AK4: variants seen among roughly 807,000 people sequenced by gnomAD.
The protein encoded by AK4 is adenylate kinase 4, mitochondrial.
In AK4, 13 loss-of-function variants were observed where a neutral mutation model predicts 24.6. That is an observed-to-expected ratio of 0.53 (90% CI 0.34 to 0.84). The LOEUF is 0.84. Among genes scored for constraint, AK4 ranks in the 40% least tolerant of loss-of-function variants. The probability of loss-of-function intolerance (pLI) is 0.01; values close to 1 mark genes in which losing one functional copy is unlikely to be tolerated. For synonymous variants in AK4, 88 were observed against 107.0 expected, an observed-to-expected ratio of 0.82 and a Z score of 1.10; for missense variants, 192 against 288.2, an observed-to-expected ratio of 0.67 and a Z score of 2.42.
rs575175996 is a variant in AK4, at chr1:65,172,809, T to C, written c.146-17901T>C. 2.7e-5 allele frequency among the ~76,000 whole-genome samples: 4 copies of C among 149,522 alleles called. No homozygotes were observed. In the South Asian group the frequency reaches 6.2e-4, roughly 23 times the overall value. ...AGATGAAATGCGATGCTTTCTTCTCTTCTTCTTCGCTATTTCTACTTCTGG... is the reference window on the plus strand; with the variant it reads ...AGATGAAATGCGATGCTTTCTTCTCCTCTTCTTCGCTATTTCTACTTCTGG... On this transcript the variant is annotated intron_variant, in intron 1 of 4. Coordinates refer to ENST00000327299, the MANE Select transcript of AK4 (RefSeq NM_013410.4).
intron 4 of AK4, among the ~76,000 whole-genome samples, chr1:65,225,782 G>A (rs553002701): frequency 2.0e-5 from 3 of 151,984 alleles, no homozygotes; most frequent in Non-Finnish European, 4.4e-5. Flanking sequence ...TATATATTGG[G>A]GCACATTTGG....
At chr1:65,223,762 A>G (rs555098665) in intron 3 of AK4, among the ~76,000 whole-genome samples, 2 of 152,226 alleles carry the variant, frequency 1.3e-5, no homozygotes, top group Admixed American at 6.5e-5. Context: ...TGGGAGGCCA[A>G]GGCAGGTGGA....
At chr1:65,175,595 C>T (rs996643580) in intron 1 of AK4, among the ~76,000 whole-genome samples, 2 of 152,174 alleles carry the variant, frequency 1.3e-5, no homozygotes, top group Middle Eastern at 3.2e-3. Flanking sequence ...CCTCTGAATG[C>T]GTCTAGTACT....
chr1:65,148,794 G>T (rs905153675), intron 1 of AK4, among the ~76,000 whole-genome samples: 3 of 151,856 alleles, frequency 2.0e-5, no homozygotes, highest in Non-Finnish European at 4.4e-5. Context: ...CGCTCCTCCT[G>T]TCGCGAGGAA....
At chr1:65,196,507 C>A (rs1243118840) in intron 2 of AK4, among the ~76,000 whole-genome samples, 1 of 152,144 alleles carries the variant, frequency 6.6e-6, no homozygotes, top group African/African-American at 2.4e-5. Flanking sequence ...TCTCTGTCAC[C>A]CAGGCTGGAG....
chr1:65,150,701 T>G (rs539122002), intron 1 of AK4, among the ~76,000 whole-genome samples: 14 of 152,272 alleles, frequency 9.2e-5, no homozygotes, highest in Non-Finnish European at 1.3e-4. Context: ...TATGTACCCT[T>G]TATAATGGAA....
intron 1 of AK4, among the ~76,000 whole-genome samples, chr1:65,175,865 C>A (rs1371606593): frequency 6.6e-6 from 1 of 152,220 alleles, no homozygotes; most frequent in Non-Finnish European, 1.5e-5. Flanking sequence ...ACTTCTGTTG[C>A]ATTCATCCCA....
intron 1 of AK4, among the ~76,000 whole-genome samples, chr1:65,176,788 C>T (rs1420940066): frequency 6.6e-6 from 1 of 152,094 alleles, no homozygotes; most frequent in Non-Finnish European, 1.5e-5. Context: ...GAGCTGAAAG[C>T]AGAACAAAGA....
At chr1:65,170,858 C>A (rs558806089) in intron 1 of AK4, among the ~76,000 whole-genome samples, 1 of 152,124 alleles carries the variant, frequency 6.6e-6, no homozygotes, top group African/African-American at 2.4e-5. Flanking sequence ...AAGTGTTACG[C>A]AAGGCAAAGC....
chr1:65,172,805 T>C (rs1412985347), intron 1 of AK4, among the ~76,000 whole-genome samples: 2 of 151,862 alleles, frequency 1.3e-5, no homozygotes, highest in Non-Finnish European at 2.9e-5. Context: ...GATGCTTTCT[T>C]CTCTTCTTCT....
chr1:65,195,060 C>T (rs1022413691), intron 2 of AK4, among the ~76,000 whole-genome samples: 2 of 152,120 alleles, frequency 1.3e-5, no homozygotes, highest in African/African-American at 4.8e-5. Context: ...AAATTTATTT[C>T]TCACAGTTCT....
upstream of AK4, chr1:65,148,140 G>GGGGCGAGGAGGTGGAGGA (rs752340573): frequency 1.2e-3 from 761 of 621,474 alleles, 3 homozygotes; most frequent in East Asian, 0.013. Context: ...GCTTTGCGTG[G>GGGGCGAGGAGGTGGAGGA]GGGCGAGGAG....
intron 1 of AK4, chr1:65,154,462 T>G (rs1570059088): frequency 5.9e-6 from 3 of 508,016 alleles, no homozygotes; most frequent in South Asian, 4.3e-5. Context: ...TTTATCTTGT[T>G]GCACTCCTGA....
intron 2 of AK4, among the ~76,000 whole-genome samples, chr1:65,195,582 G>C (rs1343494514): frequency 6.6e-6 from 1 of 152,158 alleles, no homozygotes; most frequent in Non-Finnish European, 1.5e-5. Context: ...GCATGGACCC[G>C]GGTGCTGCCA....
chr1:65,220,272 A>T (rs906268396), intron 3 of AK4, among the ~76,000 whole-genome samples: 4 of 152,210 alleles, frequency 2.6e-5, no homozygotes, highest in Non-Finnish European at 5.9e-5. Context: ...GCTGGATTGT[A>T]AGTGTATATT....
chr1:65,194,719 C>G (rs545039505), intron 2 of AK4, among the ~76,000 whole-genome samples: 2 of 152,350 alleles, frequency 1.3e-5, no homozygotes, highest in East Asian at 3.9e-4. Context: ...ACCTCGGCCT[C>G]CCAAAGTGTT....
At chr1:65,198,737 G>T (rs1186775768) in intron 2 of AK4, among the ~76,000 whole-genome samples, 1 of 147,642 alleles carries the variant, frequency 6.8e-6, no homozygotes, top group African/African-American at 2.5e-5. Flanking sequence ...CCAAGACAAT[G>T]TAAATATGCC....
chr1:65,174,279 T>G (rs1479636377), intron 1 of AK4, among the ~76,000 whole-genome samples: 3 of 148,734 alleles, frequency 2.0e-5, no homozygotes, highest in Non-Finnish European at 4.5e-5. Context: ...ACTCTAGTTG[T>G]TTTTTTTTTA....
upstream of AK4, chr1:65,148,086 C>T: frequency 3.0e-6 from 1 of 337,550 alleles, no homozygotes; most frequent in South Asian, 5.2e-5. Context: ...ACCTCTGACC[C>T]CTGGAGGCCG....
Sources: allele counts gnomAD v4.1 joint callset (sites outside exome capture counted in the v4.1 genomes callset), GRCh38; gene constraint gnomAD v4.1.1; transcripts MANE v1.5; gene names NCBI Gene and HGNC (gene_info 2026-07-23, HGNC 2026-07-21).